DNAH3: variants seen among roughly 807,000 people sequenced by gnomAD.
DNAH3 encodes the protein axonemal beta dynein heavy chain 3.
In DNAH3, 332 loss-of-function variants were observed where a neutral mutation model predicts 432.5. The ratio of observed to expected loss-of-function variants is 0.77; its 90% CI spans 0.70 to 0.84. The LOEUF is 0.84. Among genes scored for constraint, DNAH3 ranks in the 40% least tolerant of loss-of-function variants. DNAH3 has a pLI of 0.00. For missense variants in DNAH3, 4,861 were observed against 5,114.0 expected, an observed-to-expected ratio of 0.95 and a Z score of 1.51; for synonymous variants, 1,956 against 1,900.2, an observed-to-expected ratio of 1.03 and a Z score of -0.76.
At position 21,134,248 on chromosome 16, in the gene DNAH3, G is replaced by A. The variant is rs1463110115; in HGVS notation, c.1082+11C>T. ...GAAAGGGAATGAAAAAAAAAGGGAG[G>A]GACTTCTTACTCTGCAAACCACAGT... On this transcript the variant is annotated intron_variant, in intron 7 of 61. Coordinates refer to ENST00000261383, the Ensembl canonical transcript of DNAH3. The A allele has an allele frequency of 1.2e-6, 2 of 1,601,560 alleles. No homozygotes were observed. Among genetic ancestry groups the A allele is most frequent in the Non-Finnish European group, 8.5e-7 (1 of 1,174,270 alleles).
chr16:21,081,632 T>C lies in DNAH3; in HGVS notation c.2969+4A>G. 1 of 1,612,998 alleles carries C rather than the reference T, an allele frequency of 6.2e-7. No homozygotes were observed. The highest frequency in any genetic ancestry group is 8.5e-7 in the Non-Finnish European group (1 of 1,179,112). ...CTTATCTGAAGGAGGGGATAAGCCC[T>C]TACTTTTCAACGAATTTGCCGAATC... On this transcript the variant is annotated splice_donor_region_variant and intron_variant, in intron 20 of 61. Transcript: ENST00000261383.
At chr16:21,003,459 T>C (rs2087128494) in intron 41 of DNAH3, among the ~76,000 whole-genome samples, 1 of 152,282 alleles carries the variant, frequency 6.6e-6, no homozygotes, top group Non-Finnish European at 1.5e-5. Flanking sequence ...TTAGTTTTCA[T>C]AATGTAAACA....
chr16:20,978,212 C>A (rs1567567065), intron 50 of DNAH3, among the ~76,000 whole-genome samples: 1 of 152,122 alleles, frequency 6.6e-6, no homozygotes, highest in Non-Finnish European at 1.5e-5. Context: ...AAACTGCTAC[C>A]ACTTAGTTTT....
intron 50 of DNAH3, among the ~76,000 whole-genome samples, chr16:20,978,960 A>G (rs1392789261): frequency 1.3e-5 from 2 of 152,006 alleles, no homozygotes; most frequent in African/African-American, 2.4e-5. Flanking sequence ...CTCCACAAAG[A>G]TATCTTGAAT....
chr16:20,959,228 T>C (rs1459920970), exon 54 of DNAH3: 1 of 1,614,056 alleles, frequency 6.2e-7, no homozygotes, highest in South Asian at 1.1e-5. Context: ...TCACAAATCT[T>C]CTCCAGGGTA....
intron 51 of DNAH3, among the ~76,000 whole-genome samples, chr16:20,974,024 T>C (rs910480441): frequency 6.6e-6 from 1 of 151,702 alleles, no homozygotes; most frequent in African/African-American, 2.4e-5. Flanking sequence ...TTGGGTCTTT[T>C]TGTTTGTTTG....
chr16:21,060,383 C>T lies in DNAH3; in HGVS notation c.3721-27G>A, dbSNP rs758522153. 3 of 1,582,694 alleles carry T rather than the reference C, an allele frequency of 1.9e-6. No homozygotes were observed. The African/African-American group carries it at 4.0e-5, about 21-fold the overall frequency. Reference sequence around the variant, plus strand: ...TATGGAGCAAGACAGAGAGAGGGTGCAGCAGTCAACCAAAGCCCAGAGGGA... The same window carrying T: ...TATGGAGCAAGACAGAGAGAGGGTGTAGCAGTCAACCAAAGCCCAGAGGGA... On this transcript the variant is annotated intron_variant, in intron 25 of 61. Transcript: ENST00000261383.
chr16:21,007,405 G>T (rs554623607), intron 41 of DNAH3, among the ~76,000 whole-genome samples: 28 of 151,570 alleles, frequency 1.8e-4, no homozygotes, highest in African/African-American at 6.5e-4. Flanking sequence ...TAGAGATGGG[G>T]TTTCGCCATG....
exon 12 of DNAH3, chr16:21,117,272 T>C (rs1221424347): frequency 1.2e-6 from 2 of 1,611,820 alleles, no homozygotes; most frequent in Non-Finnish European, 1.7e-6. Flanking sequence ...AACAAGTTTT[T>C]CTTCTGCGTT....
chr16:21,034,957 G>A (rs1216386907), intron 35 of DNAH3, among the ~76,000 whole-genome samples: 3 of 152,166 alleles, frequency 2.0e-5, no homozygotes, highest in Non-Finnish European at 4.4e-5. Context: ...TTACAGAGCA[G>A]AGAACAATAC....
Position 21,082,608 on chromosome 16 carries a change from T to A in DNAH3, c.2878-881A>T, listed in dbSNP as rs914223920. Among the ~76,000 whole-genome samples, 23 of 152,022 alleles carry A rather than the reference T, an allele frequency of 1.5e-4. No individual in the cohort carries two copies. In the South Asian group the frequency reaches 4.6e-3, roughly 30 times the overall value. ...ACTTTGGGAGGCTGAGGCGGGCGGA[T>A]CACTTGAGGTCAGGTGTTCAAGACC... On this transcript the variant is annotated intron_variant, in intron 19 of 61. Coordinates refer to ENST00000261383, the Ensembl canonical transcript of DNAH3.
At chr16:20,985,774 G>A in intron 47 of DNAH3, 59 bp from the exon 48 acceptor site, 1 of 1,548,458 alleles carries the variant, frequency 6.5e-7, no homozygotes, top group Non-Finnish European at 8.8e-7. Context: ...AGGCTGGTAG[G>A]GACATCATGG....
At chr16:21,004,149 T>C (rs1287060098) in intron 41 of DNAH3, among the ~76,000 whole-genome samples, 1 of 152,190 alleles carries the variant, frequency 6.6e-6, no homozygotes, top group African/African-American at 2.4e-5. Flanking sequence ...TTAAAGTCAT[T>C]ATGCTTTATA....
At chr16:21,000,190 T>C in intron 43 of DNAH3, 34 bp downstream of exon 43, 1 of 1,592,732 alleles carries the variant, frequency 6.3e-7, no homozygotes, top group Non-Finnish European at 8.6e-7. Context: ...GGTGGAAGAA[T>C]CTGGTTGTGT....
exon 11 of DNAH3, chr16:21,120,808 T>TCAG (rs751153499): frequency 2.5e-6 from 4 of 1,613,956 alleles, no homozygotes; most frequent in South Asian, 2.2e-5. Context: ...ACATTGCCGA[T>TCAG]CAGCAGCAGC....
At chr16:20,976,878 C>T (rs1344189750) in intron 50 of DNAH3, among the ~76,000 whole-genome samples, 2 of 152,200 alleles carry the variant, frequency 1.3e-5, no homozygotes, top group South Asian at 2.1e-4. Context: ...TTGAACTTCC[C>T]AGCCTCCAGA....
chr16:21,078,574 C>T (rs75928238), intron 20 of DNAH3, among the ~76,000 whole-genome samples: 12,548 of 152,276 alleles, frequency 0.082, 737 homozygotes, highest in South Asian at 0.18. Context: ...CCAGTACTCA[C>T]TGGCTGTGTG....
chr16:20,956,779 A>G (rs1430634885), intron 54 of DNAH3, among the ~76,000 whole-genome samples: 2 of 152,268 alleles, frequency 1.3e-5, no homozygotes, highest in Admixed American at 1.3e-4. Flanking sequence ...GCTGGAGTGC[A>G]GTGGTGCAAT....
intron 34 of DNAH3, among the ~76,000 whole-genome samples, chr16:21,037,257 C>T (rs945984137): frequency 2.6e-5 from 4 of 152,100 alleles, no homozygotes; most frequent in Non-Finnish European, 5.9e-5. Context: ...TGCAATCAGT[C>T]GAGATCATGC....
Sources: gnomAD v4.1 joint callset for allele counts (sites outside exome capture counted in the v4.1 genomes callset) on GRCh38, gnomAD v4.1.1 for gene constraint, MANE v1.5 for transcripts, NCBI Gene and HGNC (gene_info 2026-07-23, HGNC 2026-07-21) for gene names.